LHFPL2: variants seen among roughly 807,000 people sequenced by gnomAD.
LHFPL2 encodes the protein LHFPL tetraspan subfamily member 2 protein.
LHFPL2 carries 7 observed loss-of-function variants against 17.5 expected under a neutral mutation model. The ratio of observed to expected loss-of-function variants is 0.40; its 90% confidence interval spans 0.23 to 0.75. The LOEUF is 0.75. Ranked by LOEUF, LHFPL2 falls within the 30% of genes least tolerant of loss-of-function variation. The pLI is 0.37. For missense variants in LHFPL2, 241 were observed against 294.8 expected (o/e 0.82, Z 1.34); for synonymous variants, 134 against 116.2 (o/e 1.15, Z -0.99).
At chr5:78,630,515 G>A (rs73150019) in intron 2 of LHFPL2, among the ~76,000 whole-genome samples, 2 of 151,926 alleles carry the variant, frequency 1.3e-5, no homozygotes, top group Middle Eastern at 3.4e-3. Flanking sequence ...TCCTTCTATC[G>A]AACCCCTGGG....
chr5:78,593,153 G>A (rs1427290824), intron 2 of LHFPL2, among the ~76,000 whole-genome samples: 1 of 152,036 alleles, frequency 6.6e-6, no homozygotes, highest in African/African-American at 2.4e-5. Context: ...TGACATTCAC[G>A]GGGGGCGAAA....
At position 78,510,938 on chromosome 5, in the gene LHFPL2, G is replaced by T. The variant is rs1004148057; in HGVS notation, c.-185-540C>A. Among the ~76,000 whole-genome samples the T allele has an allele frequency of 4.6e-5, 7 of 152,072 alleles. 1 individual carries two copies. The highest frequency in any genetic ancestry group is 1.7e-4 in the African/African-American group (7 of 41,432). Reference sequence around the variant, plus strand: ...AGCAACACCCCGCTTTTATTTCCTCGAAATTAAATTACTAGCAGAGACATA... The same window carrying T: ...AGCAACACCCCGCTTTTATTTCCTCTAAATTAAATTACTAGCAGAGACATA... On this transcript the variant is annotated intron_variant, in intron 3 of 4. Coordinates refer to ENST00000380345, the MANE Select transcript of LHFPL2 (RefSeq NM_005779.3).
chr5:78,579,731 C>A (rs566233636), intron 2 of LHFPL2, among the ~76,000 whole-genome samples: 6 of 152,252 alleles, frequency 3.9e-5, no homozygotes, highest in African/African-American at 1.4e-4. Flanking sequence ...TTTTCTTAAT[C>A]CAGTCTTATC....
intron 2 of LHFPL2, among the ~76,000 whole-genome samples, chr5:78,589,183 G>T (rs910919402): frequency 1.3e-5 from 2 of 152,106 alleles, no homozygotes; most frequent in Non-Finnish European, 2.9e-5. Flanking sequence ...AAAAAAATTA[G>T]AAGTTGGCCA....
At chr5:78,644,217 G>T in intron 1 of LHFPL2, 5 of 634,574 alleles carry the variant, frequency 7.9e-6, no homozygotes, top group East Asian at 2.8e-5. Flanking sequence ...ATGCATACAG[G>T]GAGTTGAAAT....
At chr5:78,509,191 A>G (rs1755025579) in intron 4 of LHFPL2, among the ~76,000 whole-genome samples, 1 of 152,248 alleles carries the variant, frequency 6.6e-6, no homozygotes, top group Non-Finnish European at 1.5e-5. Flanking sequence ...AATGCACAGA[A>G]CATTCTGTCA....
chr5:78,488,814 G>A lies in LHFPL2; in HGVS notation c.*83C>T, dbSNP rs185326704. 4.6e-6 allele frequency: 7 copies of A among 1,513,446 alleles called. No individual in the cohort carries two copies. The highest frequency in any genetic ancestry group is 1.7e-5 in the Admixed American group (1 of 58,114). The allele number at this position is 1,513,446 out of a possible 1,614,324, so 93.8% of individuals were successfully genotyped here. On this transcript the variant is annotated 3_prime_UTR_variant, in exon 5 of 5. Coordinates refer to ENST00000380345, the MANE Select transcript of LHFPL2 (RefSeq NM_005779.3). ...ACGTGGCTTTGGTAGGTAAAGGTTA[G>A]TTCTCCACTTGACTCAAATGATGAA...
chr5:78,606,591 G>T (rs1489882077), intron 2 of LHFPL2, among the ~76,000 whole-genome samples: 1 of 152,196 alleles, frequency 6.6e-6, no homozygotes, highest in African/African-American at 2.4e-5. Flanking sequence ...GTTTGCCGAG[G>T]GTGGGCGGGG....
chr5:78,509,103 C>A (rs985004122), intron 4 of LHFPL2, among the ~76,000 whole-genome samples: 1 of 152,230 alleles, frequency 6.6e-6, no homozygotes, highest in Non-Finnish European at 1.5e-5. Flanking sequence ...CATGCTTTTA[C>A]TTTCCACCCA....
chr5:78,583,727 A>G (rs1743243672), intron 2 of LHFPL2, among the ~76,000 whole-genome samples: 1 of 138,972 alleles, frequency 7.2e-6, no homozygotes, highest in Admixed American at 7.1e-5. Context: ...TTTTTCCTTC[A>G]TTTCAACTTT....
intron 2 of LHFPL2, among the ~76,000 whole-genome samples, chr5:78,629,224 G>C (rs1388715378): frequency 1.3e-5 from 2 of 152,138 alleles, no homozygotes; most frequent in Non-Finnish European, 2.9e-5. Context: ...TAACTGAAAG[G>C]GGACATGATA....
chr5:78,580,731 G>A lies in LHFPL2; in HGVS notation c.-244-15860C>T, dbSNP rs374093544. On this transcript the variant is annotated intron_variant, in intron 2 of 4. Transcript: ENST00000380345. ...ATCTCTGTTTTGGTACCAGTACCAT[G>A]CTGTTTTGGTTACTGTAGCCTTGTA... 1.2e-4 allele frequency among the ~76,000 whole-genome samples: 18 copies of A among 152,296 alleles called. 1 individual carries two copies. The East Asian group carries it at 2.9e-3, about 24-fold the overall frequency.
chr5:78,615,382 C>T (rs183437180), intron 2 of LHFPL2, among the ~76,000 whole-genome samples: 2 of 152,300 alleles, frequency 1.3e-5, no homozygotes, highest in Admixed American at 6.5e-5. Flanking sequence ...TACATAACAG[C>T]ATAACATATT....
At chr5:78,529,613 G>A (rs375504943) in intron 3 of LHFPL2, among the ~76,000 whole-genome samples, 157 of 151,908 alleles carry the variant, frequency 1.0e-3, no homozygotes, top group Non-Finnish European at 1.4e-3. Context: ...TCCGCAGTCC[G>A]GCCTGGGCGA....
intron 4 of LHFPL2, among the ~76,000 whole-genome samples, chr5:78,491,813 C>G (rs1391572671): frequency 1.3e-5 from 2 of 152,130 alleles, no homozygotes; most frequent in African/African-American, 2.4e-5. Flanking sequence ...CAAAAGCCCT[C>G]GGCAGGCCCC....
chr5:78,601,724 C>T (rs1366498639), intron 2 of LHFPL2, among the ~76,000 whole-genome samples: 7 of 152,082 alleles, frequency 4.6e-5, no homozygotes, highest in Non-Finnish European at 7.4e-5. Flanking sequence ...CATCTGCAAA[C>T]GTGCTGCAGA....
intron 2 of LHFPL2, among the ~76,000 whole-genome samples, chr5:78,619,794 T>A (rs1744773818): frequency 1.6e-5 from 2 of 125,228 alleles, no homozygotes. Flanking sequence ...CTGAGAATGA[T>A]GATTTCCAAT....
rs527533580 is a variant in LHFPL2, at chr5:78,526,585, A to T, written c.-185-16187T>A. ...TTCCTTCCTCATCAAAGTAAATTAA[A>T]TAACCCAGAATAGCAGTGGGCTTGT... On this transcript the variant is annotated intron_variant, in intron 3 of 4. Coordinates refer to ENST00000380345, the MANE Select transcript of LHFPL2 (RefSeq NM_005779.3). 4.6e-5 allele frequency among the ~76,000 whole-genome samples: 7 copies of T among 152,346 alleles called. No homozygotes were observed. The South Asian group carries it at 1.4e-3, about 32-fold the overall frequency.
intron 4 of LHFPL2, among the ~76,000 whole-genome samples, chr5:78,495,746 G>A (rs1754585059): frequency 3.9e-5 from 6 of 152,232 alleles, no homozygotes; most frequent in Admixed American, 3.9e-4. Flanking sequence ...CAGATGTAAA[G>A]TACCTCTGAT....
Sources: gnomAD v4.1 joint callset for allele counts (sites outside exome capture counted in the v4.1 genomes callset) on GRCh38, gnomAD v4.1.1 for gene constraint, MANE v1.5 for transcripts, NCBI Gene and HGNC (gene_info 2026-07-23, HGNC 2026-07-21) for gene names.